Variants in PGAP4 observed in about 807,000 individuals in gnomAD.
The protein encoded by PGAP4 is post-GPI attachment to proteins GalNAc transferase 4.
PGAP4 carries 12 observed loss-of-function variants against 28.2 expected under a neutral mutation model. The observed-to-expected ratio is 0.42, with a 90% CI of 0.27 to 0.69. PGAP4 has a LOEUF of 0.69. Ranked by LOEUF, PGAP4 falls within the 30% of genes least tolerant of loss-of-function variation. The pLI is 0.22. For missense variants in PGAP4, 425 were observed against 513.5 expected (o/e 0.83, Z 1.67); for synonymous variants, 205 against 211.8 (o/e 0.97, Z 0.28).
chr9:101,476,576 C>T lies in PGAP4; in HGVS notation c.517G>A (p.Asp173Asn). Residue 173 changes from aspartate to asparagine, a missense_variant, in exon 2 of 2, where the codon GAT becomes AAT. Transcript: ENST00000374848. This position sits in a 1 kb window ranked among gnomAD's most constrained non-coding sequence, Gnocchi z 7.0. Reference protein sequence around the residue: ...PVANRYEGTEDDYGDDPSTNS... With the variant: ...PVANRYEGTENDYGDDPSTNS... ...GTCGAAGGGTCATCACCATAATCAT[C>T]CTCAGTGCCCTCATAGCGATTGGCC... 1 of 1,614,202 alleles carries T rather than the reference C, an allele frequency of 6.2e-7. No individual in the cohort carries two copies. The highest frequency in any genetic ancestry group is 8.5e-7 in the Non-Finnish European group (1 of 1,180,044).
chr9:101,487,318 T>C (rs923996110), upstream of PGAP4: 2 of 152,256 alleles, frequency 1.3e-5, no homozygotes, highest in Non-Finnish European at 2.9e-5. Flanking sequence ...CAGCATTATA[T>C]TTCATCAGGT....
intron 2 of PGAP4, among the ~76,000 whole-genome samples, chr9:101,518,813 C>T (rs1293642560): frequency 6.6e-6 from 1 of 152,114 alleles, no homozygotes; most frequent in African/African-American, 2.4e-5. Context: ...ACTTCTTTTC[C>T]TCTGAGTAGA....
chr9:101,508,566 T>C (rs1826869087), intron 2 of PGAP4, among the ~76,000 whole-genome samples: 1 of 152,146 alleles, frequency 6.6e-6, no homozygotes, highest in African/African-American at 2.4e-5. Flanking sequence ...AGGTCTGTTA[T>C]GTAAATCCTT....
intron 1 of PGAP4, among the ~76,000 whole-genome samples, chr9:101,482,250 A>T (rs1395758783): frequency 2.6e-5 from 4 of 152,226 alleles, no homozygotes; most frequent in African/African-American, 4.8e-5. Flanking sequence ...GATCGAGACC[A>T]TCCTGGCAAA....
chr9:101,527,998 G>A (rs918112312), intron 2 of PGAP4, among the ~76,000 whole-genome samples: 5 of 152,150 alleles, frequency 3.3e-5, no homozygotes, highest in African/African-American at 4.8e-5. Context: ...GTGTGCCTGG[G>A]TGTGCCTAAT....
intron 2 of PGAP4, among the ~76,000 whole-genome samples, chr9:101,496,176 C>G (rs1826746083): frequency 2.0e-5 from 3 of 151,422 alleles, no homozygotes; most frequent in South Asian, 2.1e-4. Flanking sequence ...AACTTTATGA[C>G]AACATCTCAG....
rs868285924 is a variant in PGAP4 at position 101,477,227 on chromosome 9, C to A, written c.-77-58G>T. On this transcript the variant is annotated intron_variant, in intron 1 of 1. Transcript: ENST00000374848. The stretch of plus-strand genomic sequence containing the variant: ...TAACTTAAAAAAACAAACAAACAAA[C>A]AAACAAAAAAACAAAAGGACAAGAA... 4 of 1,334,262 alleles carry A rather than the reference C, an allele frequency of 3.0e-6. 1 individual carries two copies. The highest frequency in any genetic ancestry group is 3.5e-5 in the South Asian group (2 of 56,776). The allele number at this position is 1,334,262 out of a possible 1,614,324, so 82.7% of individuals were successfully genotyped here.
intron 2 of PGAP4, among the ~76,000 whole-genome samples, chr9:101,512,011 C>T (rs1226324066): frequency 6.6e-6 from 1 of 152,142 alleles, no homozygotes; most frequent in East Asian, 1.9e-4. Context: ...TGAGGACACT[C>T]TAACCTGTGA....
chr9:101,490,726 A>T (rs1418008418), upstream of PGAP4, among the ~76,000 whole-genome samples: 1 of 152,122 alleles, frequency 6.6e-6, no homozygotes, highest in Admixed American at 6.5e-5. Context: ...TTCTTGTTCC[A>T]GTTTCCAGCT....
intron 1 of PGAP4, among the ~76,000 whole-genome samples, chr9:101,532,305 T>G (rs1436239968): frequency 1.3e-5 from 2 of 151,786 alleles, no homozygotes; most frequent in East Asian, 3.9e-4. Flanking sequence ...AAGAAGCCAC[T>G]ACTTTGCTCT....
chr9:101,477,147 G>A lies in PGAP4; in HGVS notation c.-55C>T. ...AAGAAAAAACCATCCTGGAACTCAG[G>A]CCAGAGTCATCAGAAATCAAACCTA... On this transcript the variant is annotated 5_prime_UTR_variant, in exon 2 of 2. Coordinates refer to ENST00000374848, the MANE Select transcript of PGAP4 (RefSeq NM_032342.3). 6.7e-7 allele frequency: 1 copy of A among 1,498,920 alleles called. No homozygotes were observed. The highest frequency in any genetic ancestry group is 8.9e-7 in the Non-Finnish European group (1 of 1,126,498). The allele number at this position is 1,498,920 out of a possible 1,614,324, so 92.9% of individuals were successfully genotyped here.
rs1826279705 is a variant in PGAP4, at chr9:101,475,749, C to A, written c.*132G>T. 2.9e-6 allele frequency: 3 copies of A among 1,020,802 alleles called. No individual in the cohort carries two copies. 63.2% of individuals were successfully genotyped at this position (1,020,802 alleles called of 1,614,324 possible). A position where few individuals can be genotyped will look rare whatever the true frequency, so the allele number is the denominator to read the frequency against. On this transcript the variant is annotated 3_prime_UTR_variant, in exon 2 of 2. Transcript: ENST00000374848. ...AGGCTCTTAACATATTGAGGTTCCT[C>A]AGCTGCCCCAGTGCCTATATCTCTA...
upstream of PGAP4, among the ~76,000 whole-genome samples, chr9:101,490,425 A>G (rs2150737): frequency 0.15 from 23,418 of 152,076 alleles, 2,393 homozygotes; most frequent in East Asian, 0.36. Context: ...CCTGACCTGA[A>G]GTGATCTGCC....
chr9:101,509,970 G>A (rs759032963), intron 2 of PGAP4, among the ~76,000 whole-genome samples: 5 of 152,100 alleles, frequency 3.3e-5, no homozygotes, highest in Non-Finnish European at 5.9e-5. Context: ...AGTGTTGGTT[G>A]GCAACGAAAA....
upstream of PGAP4, among the ~76,000 whole-genome samples, chr9:101,491,770 T>C (rs977238727): frequency 1.4e-5 from 2 of 144,862 alleles, no homozygotes; most frequent in Non-Finnish European, 3.0e-5. Flanking sequence ...ATATTAAATA[T>C]TAAAGGATAT....
At chr9:101,508,597 A>G (rs1316127939) in intron 2 of PGAP4, among the ~76,000 whole-genome samples, 1 of 152,168 alleles carries the variant, frequency 6.6e-6, no homozygotes, top group Non-Finnish European at 1.5e-5. Context: ...GAAAAACTAT[A>G]AAGCAACGGT....
At chr9:101,524,752 G>C (rs1827019413) in intron 2 of PGAP4, among the ~76,000 whole-genome samples, 1 of 152,218 alleles carries the variant, frequency 6.6e-6, no homozygotes, top group African/African-American at 2.4e-5. Context: ...TCTTCAGTGA[G>C]GGTATGTGTT....
chr9:101,509,881 G>T (rs1432344520), intron 2 of PGAP4, among the ~76,000 whole-genome samples: 1 of 152,116 alleles, frequency 6.6e-6, no homozygotes, highest in African/African-American at 2.4e-5. Context: ...CACTCCATCT[G>T]TGCATATGTG....
chr9:101,510,606 C>T (rs937081872), intron 2 of PGAP4, among the ~76,000 whole-genome samples: 1 of 152,112 alleles, frequency 6.6e-6, no homozygotes, highest in Non-Finnish European at 1.5e-5. Flanking sequence ...TCTTTTTGCT[C>T]ACAGTCTTAG....
Sources: gnomAD v4.1 joint callset for allele counts (sites outside exome capture counted in the v4.1 genomes callset) on GRCh38, gnomAD v4.1.1 for gene constraint, Gnocchi (gnomAD v3.1) non-coding constraint, MANE v1.5 for transcripts, NCBI Gene and HGNC (gene_info 2026-07-23, HGNC 2026-07-21) for gene names.